The following BDP1 variants were observed in gnomAD, a reference collection of about 807,000 sequenced individuals.
The protein encoded by BDP1 is transcription factor TFIIIB component B'' homolog.
A neutral mutation model predicts 266.6 loss-of-function variants in BDP1; 169 were observed. The ratio of observed to expected loss-of-function variants is 0.63; its 90% CI spans 0.56 to 0.72. The LOEUF (loss-of-function observed/expected upper bound fraction) is 0.72, where lower values mean the gene tolerates loss of function less well. Ranked by LOEUF, BDP1 falls within the 30% of genes least tolerant of loss-of-function variation. The pLI is 0.00. For missense variants in BDP1, 3,015 were observed against 3,053.8 expected, an observed-to-expected ratio of 0.99 and a Z score of 0.30; for synonymous variants, 1,090 against 1,022.4, an observed-to-expected ratio of 1.07 and a Z score of -1.26.
At chr5:71,482,731 T>C (rs1339319172) in intron 7 of BDP1, among the ~76,000 whole-genome samples, 1 of 152,254 alleles carries the variant, frequency 6.6e-6, no homozygotes, top group African/African-American at 2.4e-5. Flanking sequence ...ATTTAGTGTT[T>C]ATAGCCAATC....
intron 7 of BDP1, among the ~76,000 whole-genome samples, chr5:71,481,391 G>GA (rs58798987): frequency 0.34 from 21,716 of 64,160 alleles, 3,610 homozygotes; most frequent in East Asian, 0.5. Context: ...TCTCTACAAA[G>GA]AAAAAAAAAA....
At chr5:71,506,804 C>CAT (rs1232029387) in intron 16 of BDP1, among the ~76,000 whole-genome samples, 5 of 137,750 alleles carry the variant, frequency 3.6e-5, no homozygotes, top group African/African-American at 1.1e-4. Context: ...CACACACACA[C>CAT]ACACACACAC....
Position 71,553,114 on chromosome 5 carries a change from A to G in BDP1, c.6996-2A>G, listed in dbSNP as rs200477445. ...TTTAGTATGTATTTCTTTTCTATGC[A>G]GTATTTGTTTACCAGCAACTTCAGT... is the stretch of plus-strand genomic sequence containing the variant. On this transcript the variant is annotated splice_acceptor_variant, in intron 34 of 38. Transcript: ENST00000358731. LOFTEE classifies it high-confidence loss of function. 1.2e-6 allele frequency: 2 copies of G among 1,606,710 alleles called. No individual in the cohort carries two copies. Among genetic ancestry groups the G allele is most frequent in the Non-Finnish European group, 1.7e-6 (2 of 1,176,506 alleles).
chr5:71,503,876 C>G (rs1269207811), intron 15 of BDP1, among the ~76,000 whole-genome samples: 1 of 151,904 alleles, frequency 6.6e-6, no homozygotes. Flanking sequence ...GAGGCTGAGG[C>G]AGGAGGATCA....
chr5:71,552,146 GGCA>G (rs1424994454), intron 34 of BDP1, among the ~76,000 whole-genome samples: 3 of 148,422 alleles, frequency 2.0e-5, no homozygotes, highest in Non-Finnish European at 4.5e-5. Context: ...TCTCAGATGG[GGCA>G]GCCGGGCAGA....
chr5:71,495,383 A>G lies in BDP1; in HGVS notation c.1774A>G (p.Asn592Asp). The G allele has an allele frequency of 1.9e-6, 3 of 1,580,594 alleles. No homozygotes were observed. The highest frequency in any genetic ancestry group is 1.7e-6 in the Non-Finnish European group (2 of 1,163,624). Reference protein sequence around the residue: ...NAEGSCIEERNVDLKNNSLEI... With the variant: ...NAEGSCIEERDVDLKNNSLEI... ...TGAGGGTAGTTGTATAGAAGAAAGA[A>G]ATGTTGACCTAAAAAATAATTCACT... The change falls in exon 12 of 39, where the codon AAT becomes GAT. Residue 592 changes from asparagine (N) to aspartate (D), a missense_variant. By Grantham distance (23) the Asn-to-Asp change is conservative. This residue lies in a region of BDP1 where 2,383 missense variants were observed against 2,404.9 expected (regional missense o/e 0.99). Coordinates refer to ENST00000358731, the MANE Select transcript of BDP1 (RefSeq NM_018429.3).
In BDP1 at chr5:71,562,255, G is replaced by T; in HGVS notation, c.7497-19G>T. On this transcript the variant is annotated intron_variant, in intron 37 of 38. Coordinates refer to ENST00000358731, the MANE Select transcript of BDP1 (RefSeq NM_018429.3). ...GTCTTCCTGGGTATTCTTGAATATCGTTACATTTGTATTTCTAGACCTGGC... is the reference window on the plus strand; with the variant it reads ...GTCTTCCTGGGTATTCTTGAATATCTTTACATTTGTATTTCTAGACCTGGC... 7.7e-7 allele frequency: 1 copy of T among 1,303,280 alleles called. No homozygotes were observed. Among genetic ancestry groups the T allele is most frequent in the Non-Finnish European group, 1.1e-6 (1 of 947,944 alleles). 80.7% of individuals were successfully genotyped at this position (1,303,280 alleles called of 1,614,324 possible).
chr5:71,468,082 G>C (rs189555135), intron 6 of BDP1, among the ~76,000 whole-genome samples: 1 of 152,018 alleles, frequency 6.6e-6, no homozygotes, highest in Admixed American at 6.6e-5. Context: ...ACAATGGCAC[G>C]ATCTCGGCTC....
Position 71,455,983 on chromosome 5 carries a change from C to T in BDP1, c.106C>T (p.Pro36Ser), listed in dbSNP as rs763638859. 3.1e-6 allele frequency: 5 copies of T among 1,613,268 alleles called. No homozygotes were observed. Among genetic ancestry groups the T allele is most frequent in the African/African-American group, 1.3e-5 (1 of 74,942 alleles). Residue 36 changes from proline to serine, a missense_variant, in exon 1 of 39, where the codon CCG becomes TCG. This residue lies in a region of BDP1 where 2,383 missense variants were observed against 2,404.9 expected (regional missense o/e 0.99). Transcript: ENST00000358731. ...CCAGCGTGGACGGGAGTCTCCCAGG[C>T]CGCCGGATCCTGCCACGGACTCTGC... ...NPQRGRESPRPPDPATDSASK... is the reference protein window; with the variant it reads ...NPQRGRESPRSPDPATDSASK...
chr5:71,530,372 C>G (rs1766163077), intron 25 of BDP1, among the ~76,000 whole-genome samples: 1 of 151,900 alleles, frequency 6.6e-6, no homozygotes, highest in Non-Finnish European at 1.5e-5. Flanking sequence ...GTAGCTGGGA[C>G]TACAGGTGCA....
chr5:71,466,049 C>T (rs755587461), intron 4 of BDP1, 47 bp from the exon 5 acceptor site: 20 of 1,593,036 alleles, frequency 1.3e-5, no homozygotes, highest in Non-Finnish European at 1.7e-5. Flanking sequence ...ACTATTTAGG[C>T]ACACTTTTCA....
At chr5:71,525,342 G>A (rs1427952079) in intron 25 of BDP1, among the ~76,000 whole-genome samples, 5 of 149,054 alleles carry the variant, frequency 3.4e-5, no homozygotes, top group African/African-American at 9.8e-5. Context: ...GGGGCGGCCG[G>A]GCAGAGGCAC....
Position 71,567,264 on chromosome 5 carries a change from C to T in BDP1, c.*2379C>T, listed in dbSNP as rs1237488631. 1 of 152,240 alleles carries T rather than the reference C, an allele frequency of 6.6e-6. No individual in the cohort carries two copies. The highest frequency in any genetic ancestry group is 2.4e-5 in the African/African-American group (1 of 41,578). The allele number at this position is 152,240 out of a possible 1,614,324, so 9.4% of individuals were successfully genotyped here. ...GTGTAATATTAGTTTTTAACTTTAA[C>T]ATCTGTTTCTTTTTAATCTATAATG... On this transcript the variant is annotated 3_prime_UTR_variant, in exon 39 of 39. Transcript: ENST00000358731.
intron 19 of BDP1, 34 bp downstream of exon 19, chr5:71,513,441 TG>T: frequency 1.0e-5 from 13 of 1,240,386 alleles, no homozygotes; most frequent in South Asian, 3.1e-5. Flanking sequence ...TCTGTGTGGG[TG>T]TTTTTTTTTT....
chr5:71,555,248 T>TA (rs1743131872), intron 35 of BDP1, among the ~76,000 whole-genome samples: 1 of 152,218 alleles, frequency 6.6e-6, no homozygotes, highest in African/African-American at 2.4e-5. Context: ...ATTTTCCTCA[T>TA]ATGACTTTTA....
downstream of BDP1, among the ~76,000 whole-genome samples, chr5:71,570,863 G>A (rs1432655766): frequency 2.0e-5 from 3 of 152,188 alleles, no homozygotes; most frequent in African/African-American, 7.2e-5. Context: ...GCCCTCTTGG[G>A]AGTTATGGTT....
chr5:71,463,383 C>A (rs1336683827), intron 3 of BDP1, among the ~76,000 whole-genome samples: 1 of 152,096 alleles, frequency 6.6e-6, no homozygotes, highest in Non-Finnish European at 1.5e-5. Context: ...TTTTCAGATT[C>A]ACCAGGTCTT....
intron 37 of BDP1, 149 bp downstream of exon 37, chr5:71,560,386 A>G: frequency 7.0e-6 from 6 of 857,356 alleles, no homozygotes; most frequent in Non-Finnish European, 1.0e-5. Context: ...CAGCCAAGGA[A>G]ATACAGTAAT....
chr5:71,490,551 A>G (rs1173012366), intron 10 of BDP1, among the ~76,000 whole-genome samples: 1 of 152,184 alleles, frequency 6.6e-6, no homozygotes, highest in Non-Finnish European at 1.5e-5. Flanking sequence ...TAATGTTAAT[A>G]TATTTTAATA....
Sources: gnomAD v4.1 joint callset for allele counts (sites outside exome capture counted in the v4.1 genomes callset) on GRCh38, gnomAD v4.1.1 for gene constraint, gnomAD v4.1.1 regional missense constraint, MANE v1.5 for transcripts, NCBI Gene and HGNC (gene_info 2026-07-23, HGNC 2026-07-21) for gene names.